Variants in DLGAP2 observed in about 807,000 individuals in gnomAD.
DLGAP2 encodes the protein DLG associated protein 2.
DLGAP2 carries 26 observed loss-of-function variants against 100.3 expected under a neutral mutation model. The observed-to-expected ratio is 0.26, with a 90% CI of 0.19 to 0.36. The LOEUF (loss-of-function observed/expected upper bound fraction) is 0.36. Ranked by LOEUF, DLGAP2 falls within the 10% of genes least tolerant of loss-of-function variation. The probability of loss-of-function intolerance (pLI) is 1.00; values close to 1 mark genes in which losing one functional copy is unlikely to be tolerated. For synonymous variants in DLGAP2, 886 were observed against 630.1 expected (o/e 1.41, Z -6.08); for missense variants, 1,858 against 1,453.2 (o/e 1.28, Z -4.53).
At chr8:1,176,689 C>G (rs866533259) in intron 2 of DLGAP2, among the ~76,000 whole-genome samples, 2 of 152,146 alleles carry the variant, frequency 1.3e-5, no homozygotes, top group Non-Finnish European at 2.9e-5. Context: ...AGGGAGGCAG[C>G]CCAGGGCTCC....
chr8:1,536,464 C>T (rs1801157316), intron 4 of DLGAP2, among the ~76,000 whole-genome samples: 1 of 152,168 alleles, frequency 6.6e-6, no homozygotes, highest in Non-Finnish European at 1.5e-5. Context: ...CATTAAAATT[C>T]TGAATTTTCA....
chr8:1,328,175 G>T (rs964933780), intron 3 of DLGAP2, among the ~76,000 whole-genome samples: 3 of 151,236 alleles, frequency 2.0e-5, no homozygotes, highest in Non-Finnish European at 2.9e-5. Context: ...AAGTAGCCGG[G>T]ACTACAGGCA....
chr8:1,205,592 C>A (rs1424645528), intron 2 of DLGAP2, among the ~76,000 whole-genome samples: 1 of 152,148 alleles, frequency 6.6e-6, no homozygotes, highest in African/African-American at 2.4e-5. Flanking sequence ...ACAGAGGCAC[C>A]AAGAGCTGCC....
intron 2 of DLGAP2, among the ~76,000 whole-genome samples, chr8:926,350 C>A (rs2129002408): frequency 6.6e-6 from 1 of 152,320 alleles, no homozygotes; most frequent in African/African-American, 2.4e-5. Flanking sequence ...TGTTGGCCAC[C>A]CCCCTCACAC....
intron 3 of DLGAP2, among the ~76,000 whole-genome samples, chr8:1,439,920 A>G (rs115344665): frequency 6.6e-6 from 1 of 152,146 alleles, no homozygotes; most frequent in African/African-American, 2.4e-5. Context: ...AGACAATGAC[A>G]GTGAACGGAG....
intron 10 of DLGAP2, among the ~76,000 whole-genome samples, chr8:1,675,441 G>A (rs1276426176): frequency 1.3e-5 from 2 of 152,172 alleles, no homozygotes; most frequent in African/African-American, 2.4e-5. Flanking sequence ...AGTGCCTGGC[G>A]CAGGGTACGC....
chr8:1,364,895 C>A (rs1272654147), intron 3 of DLGAP2, among the ~76,000 whole-genome samples: 3 of 152,160 alleles, frequency 2.0e-5, no homozygotes, highest in Admixed American at 2.0e-4. Context: ...ATCTTCATGG[C>A]AGGGGGTAGT....
intron 2 of DLGAP2, among the ~76,000 whole-genome samples, chr8:1,150,705 A>T (rs1796683561): frequency 1.3e-5 from 2 of 152,244 alleles, no homozygotes; most frequent in African/African-American, 4.8e-5. Flanking sequence ...AAATGGATGA[A>T]TATAACACTT....
intron 2 of DLGAP2, among the ~76,000 whole-genome samples, chr8:1,088,987 T>C (rs141444735): frequency 0.034 from 3,136 of 92,356 alleles, 493 homozygotes; most frequent in East Asian, 0.16. Flanking sequence ...TCCAGCAGGC[T>C]ATGCCATTCT....
intron 2 of DLGAP2, among the ~76,000 whole-genome samples, chr8:1,115,565 G>T (rs931388435): frequency 4.6e-5 from 7 of 152,200 alleles, no homozygotes; most frequent in Non-Finnish European, 8.8e-5. Flanking sequence ...CCACACCATA[G>T]ATGCTGTAGA....
At chr8:833,137 G>A (rs893419915) in intron 1 of DLGAP2, among the ~76,000 whole-genome samples, 1 of 152,150 alleles carries the variant, frequency 6.6e-6, no homozygotes, top group African/African-American at 2.4e-5. Flanking sequence ...TCTAAAAAAT[G>A]GCAGACATAT....
intron 1 of DLGAP2, among the ~76,000 whole-genome samples, chr8:870,950 C>T (rs527464274): frequency 7.9e-5 from 12 of 152,314 alleles, no homozygotes; most frequent in Middle Eastern, 3.4e-3. Flanking sequence ...TTCCAAAATG[C>T]GTAACTGTGG....
At chr8:1,575,501 G>C (rs986740740) in intron 6 of DLGAP2, among the ~76,000 whole-genome samples, 1 of 105,384 alleles carries the variant, frequency 9.5e-6, no homozygotes, top group Non-Finnish European at 2.2e-5. Context: ...TAAGTTCTAG[G>C]GTACATGTGC....
chr8:1,176,863 C>T (rs1292387947), intron 2 of DLGAP2, among the ~76,000 whole-genome samples: 1 of 152,078 alleles, frequency 6.6e-6, no homozygotes, highest in Non-Finnish European at 1.5e-5. Context: ...CATGGAGTAG[C>T]AGAGAGAGCC....
At chr8:817,002 G>A (rs7459854) in intron 1 of DLGAP2, among the ~76,000 whole-genome samples, 16,787 of 152,106 alleles carry the variant, frequency 0.11, 1,499 homozygotes, top group East Asian at 0.51. Flanking sequence ...TTAGCCTGGC[G>A]CGGTGGTGGG....
At chr8:1,059,866 CG>C (rs1180711766) in intron 2 of DLGAP2, among the ~76,000 whole-genome samples, 3 of 152,190 alleles carry the variant, frequency 2.0e-5, no homozygotes, top group Middle Eastern at 3.4e-3. Context: ...TGCAGAGAGT[CG>C]GGGGCGGTCG....
At chr8:801,488 G>C (rs1223952081) in intron 1 of DLGAP2, among the ~76,000 whole-genome samples, 3 of 152,252 alleles carry the variant, frequency 2.0e-5, no homozygotes, top group African/African-American at 7.2e-5. Flanking sequence ...CAGAGCATGT[G>C]CGTTAATGAA....
At chr8:1,511,647 C>G (rs1462601110) in intron 4 of DLGAP2, among the ~76,000 whole-genome samples, 2 of 151,572 alleles carry the variant, frequency 1.3e-5, no homozygotes, top group Non-Finnish European at 2.9e-5. Flanking sequence ...AGATGACCAT[C>G]TTCCATGGAC....
At chr8:1,341,337 G>A (rs140838706) in intron 3 of DLGAP2, among the ~76,000 whole-genome samples, 12 of 152,250 alleles carry the variant, frequency 7.9e-5, no homozygotes, top group Admixed American at 2.0e-4. Context: ...CAACAGAGAC[G>A]TGCAGTCCTT....
Sources: gnomAD v4.1 joint callset for allele counts (sites outside exome capture counted in the v4.1 genomes callset) on GRCh38, gnomAD v4.1.1 for gene constraint, MANE v1.5 for transcripts, NCBI Gene and HGNC (gene_info 2026-07-23, HGNC 2026-07-21) for gene names.